The following DCAF15 variants were observed in gnomAD, a reference collection of about 807,000 sequenced individuals.
DCAF15 encodes the protein DDB1 and CUL4 associated factor 15.
A neutral mutation model predicts 68.0 loss-of-function variants in DCAF15; 24 were observed. The observed-to-expected ratio is 0.35, with a 90% CI of 0.26 to 0.50. The LOEUF (loss-of-function observed/expected upper bound fraction) is 0.50. Among genes scored for constraint, DCAF15 ranks in the 20% least tolerant of loss-of-function variants. DCAF15 has a pLI of 0.98. For missense variants in DCAF15, 627 were observed against 830.6 expected, an observed-to-expected ratio of 0.75 and a Z score of 3.01; for synonymous variants, 376 against 341.6, an observed-to-expected ratio of 1.10 and a Z score of -1.11.
intron 3 of DCAF15, 71 bp from the exon 4 acceptor site, chr19:13,955,841 C>G: frequency 6.6e-7 from 1 of 1,509,340 alleles, no homozygotes; most frequent in East Asian, 2.3e-5. Context: ...TGATGAGGGA[C>G]TGCATCGTAC....
Position 13,959,430 on chromosome 19 carries a change from C to G in DCAF15, c.1170C>G (p.Thr390=). 1 of 1,609,890 alleles carries G rather than the reference C, an allele frequency of 6.2e-7. No homozygotes were observed. The highest frequency in any genetic ancestry group is 8.5e-7 in the Non-Finnish European group (1 of 1,179,842). ...CCGAGCCTGGCTATGTCAACTACAC[C>G]AAGCTGTACTATGTGCTGGAGTCCG... The part of the protein sequence containing the change: ...PASEPGYVNY[T]KLYYVLESGE... The change falls in exon 7 of 13, where the codon ACC becomes ACG. Residue 390 remains threonine (T), a synonymous_variant. Coordinates refer to ENST00000254337, the MANE Select transcript of DCAF15 (RefSeq NM_138353.4).
Position 13,959,441 on chromosome 19 carries a change from A to G in DCAF15, c.1181A>G (p.Tyr394Cys). The G allele has an allele frequency of 1.2e-6, 2 of 1,610,370 alleles. No individual in the cohort carries two copies. Among genetic ancestry groups the G allele is most frequent in the Non-Finnish European group, 1.7e-6 (2 of 1,179,638 alleles). ...PGYVNYTKLY[Y>C]VLESGEGTEP... ...TATGTCAACTACACCAAGCTGTACT[A>G]TGTGCTGGAGTCCGGAGAGGGGACG... is the stretch of plus-strand genomic sequence containing the variant. Residue 394 changes from tyrosine to cysteine, a missense_variant, in exon 7 of 13, where the codon TAT becomes TGT. Tyr to Cys is a radical substitution (Grantham distance 194, BLOSUM62 -2). Around this residue, in one of 3 missense-constraint regions of DCAF15, gnomAD observed 236 missense variants for 225.1 expected, o/e 1.05. Coordinates refer to ENST00000254337, the MANE Select transcript of DCAF15 (RefSeq NM_138353.4).
At chr19:13,956,317 C>T (rs1418290686) in intron 5 of DCAF15, 35 bp from the exon 6 acceptor site, 1 of 1,612,084 alleles carries the variant, frequency 6.2e-7, no homozygotes, top group Non-Finnish European at 8.5e-7. Flanking sequence ...TTGCTCCGGG[C>T]CGAGAGTGAG....
intron 6 of DCAF15, among the ~76,000 whole-genome samples, chr19:13,958,603 T>C (rs10426418): frequency 0.023 from 3,456 of 152,180 alleles, 120 homozygotes; most frequent in African/African-American, 0.074. Flanking sequence ...GTGCCCGCAG[T>C]GGTCTGGCTT....
At chr19:13,953,364 C>A (rs149678624) in intron 1 of DCAF15, 3 of 491,442 alleles carry the variant, frequency 6.1e-6, no homozygotes, top group African/African-American at 2.1e-5. Flanking sequence ...GCGCCTTCTC[C>A]GTGAGGCTGG....
chr19:13,960,362 C>T lies in DCAF15; in HGVS notation c.1602C>T (p.Gly534=), dbSNP rs376451076. ...NTGIFETVSV[G]DLTEVKGQTS... Reference sequence around the variant, plus strand: ...GGATCTTCGAGACAGTCAGTGTAGGCGACCTGACTGAGGTCAAAGGGCAGA... The same window carrying T: ...GGATCTTCGAGACAGTCAGTGTAGGTGACCTGACTGAGGTCAAAGGGCAGA... The change falls in exon 11 of 13, where the codon GGC becomes GGT. Residue 534 remains glycine, a synonymous_variant. Transcript: ENST00000254337. 67 of 1,613,858 alleles carry T rather than the reference C, an allele frequency of 4.2e-5. No individual in the cohort carries two copies. The highest frequency in any genetic ancestry group is 5.3e-5 in the African/African-American group (4 of 74,926).
At chr19:13,958,964 G>A (rs1009156164) in intron 6 of DCAF15, 81 bp from the exon 7 acceptor site, 24 of 1,493,040 alleles carry the variant, frequency 1.6e-5, no homozygotes, top group Non-Finnish European at 2.1e-5. Flanking sequence ...CCTTAAGGTG[G>A]GTTTCTGAAA....
Position 13,954,331 on chromosome 19 carries a change from C to G in DCAF15, c.133-9C>G. On this transcript the variant is annotated splice_polypyrimidine_tract_variant and intron_variant, in intron 1 of 12. Transcript: ENST00000254337. ...GGTGCCTGAAGTGCCCTGGCCACCC[C>G]TTCCCCAGATCAGCGGACAGCTCTC... 1 of 1,612,342 alleles carries G rather than the reference C, an allele frequency of 6.2e-7. No homozygotes were observed. Among genetic ancestry groups the G allele is most frequent in the South Asian group, 1.1e-5 (1 of 91,004 alleles).
At chr19:13,959,956 A>T in intron 9 of DCAF15, 28 bp from the exon 10 acceptor site, 1 of 1,606,218 alleles carries the variant, frequency 6.2e-7, no homozygotes, top group South Asian at 1.1e-5. Context: ...CGCCCTCAAC[A>T]GTTGGCATCA....
In DCAF15 at chr19:13,954,521, C is replaced by A. The variant is rs1348923566; in HGVS notation, c.231-5C>A. 6.2e-7 allele frequency: 1 copy of A among 1,614,076 alleles called. No individual in the cohort carries two copies. The highest frequency in any genetic ancestry group is 8.5e-7 in the Non-Finnish European group (1 of 1,180,036). ...CTGGCCGCTGTGCCCCCTCCACCCCCACAGACATATCTTCCTGGGCTTTTC... is the reference window on the plus strand; with the variant it reads ...CTGGCCGCTGTGCCCCCTCCACCCCAACAGACATATCTTCCTGGGCTTTTC... On this transcript the variant is annotated splice_polypyrimidine_tract_variant and splice_region_variant and intron_variant, in intron 2 of 12. Transcript: ENST00000254337.
chr19:13,960,904 A>G (rs769049641), intron 12 of DCAF15, 36 bp from the exon 13 acceptor site: 6 of 1,613,598 alleles, frequency 3.7e-6, no homozygotes, highest in East Asian at 2.2e-5. Flanking sequence ...CCAGGCAGGC[A>G]GGGGCTCTAT....
chr19:13,954,225 TATG>T, intron 1 of DCAF15, 112 bp from the exon 2 acceptor site: 1 of 845,658 alleles, frequency 1.2e-6, no homozygotes, highest in East Asian at 2.6e-5. Flanking sequence ...TTTTGACCAT[TATG>T]GTGGGCTGGG....
intron 6 of DCAF15, among the ~76,000 whole-genome samples, chr19:13,957,563 TGTG>T (rs1480526354): frequency 6.6e-6 from 1 of 152,176 alleles, no homozygotes; most frequent in Non-Finnish European, 1.5e-5. Context: ...TGCGTGCACA[TGTG>T]GGTGAAACAC....
chr19:13,961,087 CA>C lies in DCAF15; in HGVS notation c.*93del. 2.0e-6 allele frequency: 3 copies of C among 1,484,374 alleles called. No homozygotes were observed. In the South Asian group the frequency reaches 3.4e-5, roughly 17 times the overall value. 92.0% of individuals were successfully genotyped at this position (1,484,374 alleles called of 1,614,324 possible). On this transcript the variant is annotated 3_prime_UTR_variant, in exon 13 of 13. Transcript: ENST00000254337. The stretch of plus-strand genomic sequence containing the variant: ...GTGGCCTCTTCCTGGCCGGCTGGCC[CA>C]CCGACTGATGACCGGCACTAGTGTT...
chr19:13,953,173 TC>T lies in DCAF15; in HGVS notation c.132+534del. On this transcript the variant is annotated intron_variant, in intron 1 of 12. Transcript: ENST00000254337. ...GAGCTCCCTGGATAGGGCTGAGTCT[TC>T]CCCCGCAGAGTGAGAGTTACCGAAG... is the stretch of plus-strand genomic sequence containing the variant. 4 of 1,516,432 alleles carry T rather than the reference TC, an allele frequency of 2.6e-6. No individual in the cohort carries two copies. The East Asian group carries it at 8.0e-5, about 30-fold the overall frequency. 93.9% of individuals were successfully genotyped at this position (1,516,432 alleles called of 1,614,324 possible).
intron 1 of DCAF15, chr19:13,953,159 A>C (rs1164158767): frequency 1.9e-6 from 3 of 1,541,912 alleles, no homozygotes; most frequent in Non-Finnish European, 2.6e-6. Context: ...AGCTCCCTGG[A>C]TAGGGCTGAG....
Position 13,959,490 on chromosome 19 carries a change from G to C in DCAF15, c.1219+11G>C, listed in dbSNP as rs747838880. On this transcript the variant is annotated intron_variant, in intron 7 of 12. Transcript: ENST00000254337. ...CGGAGCCGGAGGATGGTGAGCGGGG[G>C]GCAGGCATGTGACAGGGCCTGGGAT... 6.2e-7 allele frequency: 1 copy of C among 1,609,280 alleles called. No homozygotes were observed. The highest frequency in any genetic ancestry group is 2.2e-5 in the East Asian group (1 of 44,724).
chr19:13,959,255 A>C lies in DCAF15; in HGVS notation c.995A>C (p.Lys332Thr). The change falls in exon 7 of 13, where the codon AAA becomes ACA. Residue 332 changes from lysine to threonine, a missense_variant. Lys to Thr is a moderately conservative substitution (Grantham distance 78). Transcript: ENST00000254337. ...EFVADIFRRAKEAKGGVPEEA... is the reference protein window; with the variant it reads ...EFVADIFRRATEAKGGVPEEA... The stretch of plus-strand genomic sequence containing the variant: ...GTGGCTGACATCTTCCGCCGGGCCA[A>C]AGAGGCCAAGGGCGGGGTCCCTGAG... 6.2e-7 allele frequency: 1 copy of C among 1,612,366 alleles called. No homozygotes were observed. Among genetic ancestry groups the C allele is most frequent in the East Asian group, 2.2e-5 (1 of 44,856 alleles).
intron 1 of DCAF15, chr19:13,953,098 A>G: frequency 6.4e-7 from 1 of 1,550,492 alleles, no homozygotes; most frequent in Non-Finnish European, 8.7e-7. Flanking sequence ...CCGACCACAC[A>G]TGAGCTGGGA....
Sources: allele counts gnomAD v4.1 joint callset (sites outside exome capture counted in the v4.1 genomes callset), GRCh38; gene constraint gnomAD v4.1.1; regional missense constraint gnomAD v4.1.1; transcripts MANE v1.5; gene names NCBI Gene and HGNC (gene_info 2026-07-23, HGNC 2026-07-21).